Variants in DPYSL3 observed in about 807,000 individuals in gnomAD.
DPYSL3 encodes dihydropyrimidinase-related protein 3.
A neutral mutation model predicts 66.1 loss-of-function variants in DPYSL3; 16 were observed. The observed-to-expected ratio is 0.24, with a 90% CI of 0.16 to 0.37. DPYSL3 has a LOEUF of 0.37. Ranked by LOEUF, DPYSL3 falls within the 10% of genes least tolerant of loss-of-function variation. The probability of loss-of-function intolerance (pLI) is 1.00; values close to 1 mark genes in which losing one functional copy is unlikely to be tolerated. For synonymous variants in DPYSL3, 338 were observed against 345.1 expected (o/e 0.98, Z 0.23); for missense variants, 738 against 916.2 (o/e 0.81, Z 2.51).
chr5:147,401,465 T>G (rs1758175177), intron 9 of DPYSL3, 75 bp downstream of exon 9: 2 of 1,487,752 alleles, frequency 1.3e-6, no homozygotes, highest in Admixed American at 4.5e-5. Context: ...ATGGGACTGC[T>G]CCTGTCCTCA....
At chr5:147,479,736 C>T (rs1474341161) in intron 1 of DPYSL3, among the ~76,000 whole-genome samples, 4 of 152,270 alleles carry the variant, frequency 2.6e-5, no homozygotes, top group Middle Eastern at 6.8e-3. Flanking sequence ...AGGCCAGCTT[C>T]CCAGATGGCC....
chr5:147,411,099 G>A (rs1262180327), intron 6 of DPYSL3, among the ~76,000 whole-genome samples: 2 of 152,198 alleles, frequency 1.3e-5, no homozygotes, highest in African/African-American at 2.4e-5. Flanking sequence ...TCTGGCTGCT[G>A]CCCTGAAAAC....
Position 147,400,624 on chromosome 5 carries a change from C to G in DPYSL3, c.1452+68G>C, listed in dbSNP as rs114058811. ...GCAGTGTCACCAGCCCAACTGGTGG[C>G]AGGAGGTTCTGATCTGGCCCATGGA... On this transcript the variant is annotated intron_variant, in intron 10 of 13. Coordinates refer to ENST00000343218, the MANE Select transcript of DPYSL3 (RefSeq NM_001197294.2). 4.5e-4 allele frequency: 701 copies of G among 1,566,334 alleles called. 2 individuals are homozygous for G. In the African/African-American group the frequency reaches 8.9e-3, roughly 20 times the overall value.
chr5:147,441,592 C>A (rs75013707), intron 1 of DPYSL3, among the ~76,000 whole-genome samples: 5 of 152,208 alleles, frequency 3.3e-5, no homozygotes, highest in African/African-American at 9.6e-5. Flanking sequence ...AACAAAATTA[C>A]GAGAAAAGCA....
intron 1 of DPYSL3, among the ~76,000 whole-genome samples, chr5:147,478,214 T>C (rs1205203929): frequency 6.6e-6 from 1 of 152,210 alleles, no homozygotes; most frequent in Non-Finnish European, 1.5e-5. Flanking sequence ...ACTCTGACAT[T>C]TTAATTTTTA....
intron 1 of DPYSL3, among the ~76,000 whole-genome samples, chr5:147,436,711 T>C (rs186057086): frequency 3.7e-4 from 56 of 152,210 alleles, no homozygotes; most frequent in Non-Finnish European, 1.0e-4. Context: ...AGGAAGAATA[T>C]GGATTAGAAA....
intron 1 of DPYSL3, among the ~76,000 whole-genome samples, chr5:147,498,315 C>T (rs191515555): frequency 2.0e-4 from 31 of 152,210 alleles, no homozygotes; most frequent in African/African-American, 6.0e-4. Context: ...ATATGTACCA[C>T]GTTTTCTTTA....
In DPYSL3 at chr5:147,399,156, C is replaced by G. The variant is rs1391143057; in HGVS notation, c.1549G>C (p.Val517Leu). The G allele has an allele frequency of 1.9e-6, 3 of 1,614,242 alleles. No individual in the cohort carries two copies. The highest frequency in any genetic ancestry group is 2.5e-6 in the Non-Finnish European group (3 of 1,180,056). Residue 517 changes from valine to leucine, a missense_variant, in exon 11 of 14, where the codon GTG becomes CTG. Transcript: ENST00000343218. ...ATGACGAGGTCGCTGTCAGAACCCA[C>G]AGATATTCTTCCCTTGCGGGGATAC... ...NLYPRKGRIS[V>L]GSDSDLVIWD...
At chr5:147,461,801 AT>A (rs1455902887) in intron 1 of DPYSL3, among the ~76,000 whole-genome samples, 1 of 152,080 alleles carries the variant, frequency 6.6e-6, no homozygotes, top group Non-Finnish European at 1.5e-5. Flanking sequence ...CCTAGCAGTC[AT>A]TTTCACAGAC....
In DPYSL3 at chr5:147,509,936, C is replaced by A. The variant is rs1753736498; in HGVS notation, c.-78G>T. On this transcript the variant is annotated 5_prime_UTR_variant, in exon 1 of 14. Transcript: ENST00000343218. The surrounding 1 kb of genome is among the most constrained non-coding windows in gnomAD (Gnocchi z 5.3). ...GCAGCCGCCGGCAGCGTGCGCCGAG[C>A]CACAGTGACTGTGGCGGGAGGAGGC... 1.9e-5 allele frequency: 27 copies of A among 1,443,972 alleles called. No individual in the cohort carries two copies. Among genetic ancestry groups the A allele is most frequent in the Non-Finnish European group, 2.4e-5 (26 of 1,102,098 alleles). 89.4% of individuals were successfully genotyped at this position (1,443,972 alleles called of 1,614,324 possible).
At chr5:147,405,461 C>T in intron 8 of DPYSL3, 149 bp downstream of exon 8, 3 of 1,107,844 alleles carry the variant, frequency 2.7e-6, no homozygotes, top group Non-Finnish European at 3.6e-6. Context: ...TCCCAGGATC[C>T]TCCCATCCAC....
chr5:147,428,603 T>C (rs1752245238), intron 1 of DPYSL3, among the ~76,000 whole-genome samples: 1 of 152,116 alleles, frequency 6.6e-6, no homozygotes, highest in South Asian at 2.1e-4. Flanking sequence ...GATTAACACA[T>C]GCTAAGATCA....
chr5:147,428,169 G>A (rs988987228), intron 1 of DPYSL3, among the ~76,000 whole-genome samples: 3 of 152,180 alleles, frequency 2.0e-5, no homozygotes, highest in African/African-American at 7.2e-5. Context: ...CAATAATCAG[G>A]AATCTAAACA....
intron 7 of DPYSL3, among the ~76,000 whole-genome samples, chr5:147,408,435 G>A (rs1751767210): frequency 6.6e-6 from 1 of 152,164 alleles, no homozygotes; most frequent in African/African-American, 2.4e-5. Context: ...AAGTGGAAAT[G>A]TCTATGAGAT....
chr5:147,446,735 A>C (rs757559749), intron 1 of DPYSL3, among the ~76,000 whole-genome samples: 3 of 152,252 alleles, frequency 2.0e-5, no homozygotes, highest in Non-Finnish European at 4.4e-5. Context: ...GCTCCTGGGC[A>C]AAAGCCAGAA....
intron 1 of DPYSL3, chr5:147,453,838 C>G: frequency 9.6e-7 from 1 of 1,044,306 alleles, no homozygotes. Context: ...GCGTTCACGC[C>G]CGGGTTTTGT....
At chr5:147,441,112 GCTCT>G (rs1247469085) in intron 1 of DPYSL3, among the ~76,000 whole-genome samples, 1 of 151,978 alleles carries the variant, frequency 6.6e-6, no homozygotes, top group African/African-American at 2.4e-5. Flanking sequence ...TCCCTTTTCT[GCTCT>G]CTGAGAACTT....
chr5:147,400,188 C>T (rs369844564), intron 10 of DPYSL3, among the ~76,000 whole-genome samples: 11 of 152,212 alleles, frequency 7.2e-5, no homozygotes, highest in African/African-American at 2.6e-4. Context: ...GTGATGTGAA[C>T]AAGGAAAATA....
intron 1 of DPYSL3, among the ~76,000 whole-genome samples, chr5:147,499,320 T>G (rs1753568222): frequency 6.6e-6 from 1 of 152,146 alleles, no homozygotes; most frequent in South Asian, 2.1e-4. Context: ...ACAAAGTTAA[T>G]ATGCAAAAGT....
Sources: gnomAD v4.1 joint callset for allele counts (sites outside exome capture counted in the v4.1 genomes callset) on GRCh38, gnomAD v4.1.1 for gene constraint, Gnocchi (gnomAD v3.1) non-coding constraint, MANE v1.5 for transcripts, NCBI Gene and HGNC (gene_info 2026-07-23, HGNC 2026-07-21) for gene names.